Variants in PADI2 observed in about 807,000 individuals in gnomAD.
The protein encoded by PADI2 is peptidyl arginine deiminase 2.
PADI2 carries 70 observed loss-of-function variants against 81.1 expected under a neutral mutation model. That is an observed-to-expected ratio of 0.86 (90% confidence interval 0.71 to 1.05). PADI2 has a LOEUF of 1.05. Among genes scored for constraint, PADI2 ranks in the 50% least tolerant of loss-of-function variants. The pLI, the probability that PADI2 is intolerant of heterozygous loss-of-function variation, is 0.00. For missense variants in PADI2, 853 were observed against 889.9 expected (o/e 0.96, Z 0.53); for synonymous variants, 338 against 358.0 (o/e 0.94, Z 0.63).
intron 5 of PADI2, 79 bp from the exon 6 acceptor site, chr1:17,092,612 T>C: frequency 7.4e-7 from 1 of 1,346,500 alleles, no homozygotes; most frequent in Non-Finnish European, 1.0e-6. Context: ...ACTTTGATAA[T>C]CAGGAAAAAA....
intron 1 of PADI2, among the ~76,000 whole-genome samples, chr1:17,117,852 G>A (rs771937014): frequency 6.6e-6 from 1 of 152,246 alleles, no homozygotes; most frequent in South Asian, 2.1e-4. Flanking sequence ...AGGGCTGGGG[G>A]TGGGGAAGGC....
chr1:17,075,558 C>T (rs2078295959), intron 12 of PADI2, 121 bp downstream of exon 12: 2 of 921,730 alleles, frequency 2.2e-6, no homozygotes, highest in African/African-American at 3.4e-5. Context: ...CCAGCTTCAG[C>T]CTACTTCCTC....
At chr1:17,096,985 C>T (rs966186556) in intron 3 of PADI2, among the ~76,000 whole-genome samples, 2 of 152,216 alleles carry the variant, frequency 1.3e-5, no homozygotes, top group African/African-American at 4.8e-5. Context: ...CCAGTCGTGA[C>T]AGCCAAAAAT....
chr1:17,104,046 G>T (rs1931247836), intron 2 of PADI2, among the ~76,000 whole-genome samples: 1 of 151,542 alleles, frequency 6.6e-6, no homozygotes, highest in Admixed American at 6.6e-5. Flanking sequence ...ACTTTGGGAG[G>T]CCAAGGTGGG....
At position 17,086,511 on chromosome 1, in the gene PADI2, G is replaced by A. The variant is rs1321795547; in HGVS notation, c.834+10C>T. ...GTTAGCCCCCTGTGGTGGAGGCCTG[G>A]AGCCCTCACCTGGGCCATGTACTCC... is the stretch of plus-strand genomic sequence containing the variant. On this transcript the variant is annotated intron_variant, in intron 7 of 15. Coordinates refer to ENST00000375486, the MANE Select transcript of PADI2 (RefSeq NM_007365.3). 19 of 1,608,808 alleles carry A rather than the reference G, an allele frequency of 1.2e-5. No individual in the cohort carries two copies. The highest frequency in any genetic ancestry group is 1.6e-5 in the Non-Finnish European group (19 of 1,177,266).
chr1:17,106,778 A>AGAGGAG (rs3036927), intron 1 of PADI2, among the ~76,000 whole-genome samples: 41 of 149,950 alleles, frequency 2.7e-4, no homozygotes, highest in African/African-American at 5.4e-4. Context: ...GAAAGATGAG[A>AGAGGAG]GAGGAGGAGG....
chr1:17,086,788 G>A, intron 6 of PADI2, 89 bp from the exon 7 acceptor site: 1 of 1,085,680 alleles, frequency 9.2e-7, no homozygotes, highest in Non-Finnish European at 1.4e-6. Context: ...AAAGGGCAAA[G>A]TAACTTGTCC....
At chr1:17,079,796 G>A (rs1043150311) in intron 10 of PADI2, among the ~76,000 whole-genome samples, 3 of 91,020 alleles carry the variant, frequency 3.3e-5, no homozygotes, top group African/African-American at 1.3e-4. Context: ...CCCATCTGTT[G>A]TTGTTTTTTT....
intron 15 of PADI2, 83 bp from the exon 16 acceptor site, chr1:17,069,360 C>A: frequency 2.0e-6 from 2 of 1,013,486 alleles, no homozygotes; most frequent in African/African-American, 1.6e-5. Context: ...TCATGGAACC[C>A]TCACGGCAAC....
chr1:17,104,769 A>G, intron 2 of PADI2, 109 bp downstream of exon 2: 2 of 996,642 alleles, frequency 2.0e-6, no homozygotes, highest in Non-Finnish European at 2.8e-6. Context: ...TGCAGAACTG[A>G]AAATGACACA....
At chr1:17,101,598 G>A (rs1289657439) in intron 3 of PADI2, among the ~76,000 whole-genome samples, 1 of 152,188 alleles carries the variant, frequency 6.6e-6, no homozygotes, top group African/African-American at 2.4e-5. Flanking sequence ...GACAGAAAGA[G>A]GGACAGGGGG....
At chr1:17,079,097 C>T (rs2078324791) in intron 11 of PADI2, 167 bp downstream of exon 11, 3 of 567,522 alleles carry the variant, frequency 5.3e-6, no homozygotes, top group Non-Finnish European at 9.4e-6. Flanking sequence ...GATATAAAGG[C>T]TAGCTTGATT....
At chr1:17,074,341 AAGATTTCACCATTGCACTCC>A (rs1223731544) in intron 13 of PADI2, among the ~76,000 whole-genome samples, 17 of 151,578 alleles carry the variant, frequency 1.1e-4, no homozygotes, top group Admixed American at 8.6e-4. Context: ...GTAGTGAGCC[AAGATTTCACCATTGCACTCC>A]AGCCTGGGCA....
At position 17,093,615 on chromosome 1, in the gene PADI2, AG is replaced by A; in HGVS notation, c.480del (p.Trp161GlyfsTer24). 6.2e-7 allele frequency: 1 copy of A among 1,613,980 alleles called. No individual in the cohort carries two copies. ...TCACGGCAGTCCTCCTTGGGCAACC[AG>A]GGTGTCTCTCGGTCACAGTTCACCA... ...ILLVNCDRET[P>X]WLPKEDCRDE... On this transcript the variant is annotated frameshift_variant, in exon 5 of 16. Transcript: ENST00000375486. LOFTEE classifies it high-confidence loss of function.
At chr1:17,106,676 C>A (rs1232614752) in intron 1 of PADI2, among the ~76,000 whole-genome samples, 3 of 152,106 alleles carry the variant, frequency 2.0e-5, no homozygotes, top group African/African-American at 7.2e-5. Context: ...CTCCTGACCT[C>A]AGGTGATCCA....
At chr1:17,076,007 A>G (rs2078299867) in intron 11 of PADI2, among the ~76,000 whole-genome samples, 184 bp from the exon 12 acceptor site, 1 of 152,022 alleles carries the variant, frequency 6.6e-6, no homozygotes, top group Admixed American at 6.6e-5. Flanking sequence ...GTCCCAGGGG[A>G]AAGAGTAGGT....
rs140044695 is a variant in PADI2 at position 17,092,459 on chromosome 1, G to C, written c.604C>G (p.Leu202Val). The C allele has an allele frequency of 1.1e-5, 17 of 1,607,780 alleles. No individual in the cohort carries two copies. The highest frequency in any genetic ancestry group is 1.6e-4 in the Middle Eastern group (1 of 6,072). The change falls in exon 6 of 16, where the codon CTG becomes GTG. Residue 202 changes from leucine to valine, a missense_variant. Leu to Val is a conservative substitution (Grantham distance 32). Transcript: ENST00000375486. ...DRLPAGYEIVLYISMSDSDKV... is the reference protein window; with the variant it reads ...DRLPAGYEIVVYISMSDSDKV... ...TCTGAGTCTGACATGGAAATGTACA[G>C]AACTATCTCGTATCCGGCGGGGAGG...
chr1:17,073,948 C>A (rs2078282600), intron 13 of PADI2, among the ~76,000 whole-genome samples: 1 of 152,230 alleles, frequency 6.6e-6, no homozygotes, highest in African/African-American at 2.4e-5. Flanking sequence ...GGACTGACAA[C>A]CACGATGTCT....
At chr1:17,107,684 T>A (rs1569590601) in intron 1 of PADI2, among the ~76,000 whole-genome samples, 1 of 152,154 alleles carries the variant, frequency 6.6e-6, no homozygotes, top group South Asian at 2.1e-4. Context: ...CGTGAATCTG[T>A]AGAGGCTGCC....
Sources: gnomAD v4.1 joint callset for allele counts (sites outside exome capture counted in the v4.1 genomes callset) on GRCh38, gnomAD v4.1.1 for gene constraint, MANE v1.5 for transcripts, NCBI Gene and HGNC (gene_info 2026-07-23, HGNC 2026-07-21) for gene names.